PLPP1: variants seen among roughly 807,000 people sequenced by gnomAD.
PLPP1 encodes the protein lipid phosphate phosphohydrolase 1a.
In PLPP1, 24 loss-of-function variants were observed where a neutral mutation model predicts 31.2. The observed-to-expected ratio is 0.77, with a 90% CI of 0.56 to 1.08. PLPP1 has a LOEUF of 1.08. Ranked by LOEUF, PLPP1 falls within the 50% of genes least tolerant of loss-of-function variation. The pLI is 0.00. For missense variants in PLPP1, 319 were observed against 342.7 expected, an observed-to-expected ratio of 0.93 and a Z score of 0.55; for synonymous variants, 146 against 126.3, an observed-to-expected ratio of 1.16 and a Z score of -1.05.
rs943956536 is a variant in PLPP1 at position 55,534,687 on chromosome 5, A to T, written c.-58T>A. On this transcript the variant is annotated 5_prime_UTR_variant, in exon 1 of 6. Coordinates refer to ENST00000307259, the MANE Select transcript of PLPP1 (RefSeq NM_003711.4). Reference sequence around the variant, plus strand: ...GGACTGAGCTGCGGGACGGCGGCCGAGGCCCTTGATTCTCGAGCCCGGGCC... The same window carrying T: ...GGACTGAGCTGCGGGACGGCGGCCGTGGCCCTTGATTCTCGAGCCCGGGCC... 6.0e-6 allele frequency: 9 copies of T among 1,494,164 alleles called. No individual in the cohort carries two copies. The Admixed American group carries it at 1.9e-4, about 32-fold the overall frequency. The allele number at this position is 1,494,164 out of a possible 1,614,324, so 92.6% of individuals were successfully genotyped here. A position where few individuals can be genotyped will look rare whatever the true frequency, so the allele number is the denominator to read the frequency against.
chr5:55,492,950 T>C (rs1193500440), intron 1 of PLPP1, among the ~76,000 whole-genome samples: 1 of 152,050 alleles, frequency 6.6e-6, no homozygotes, highest in Non-Finnish European at 1.5e-5. Flanking sequence ...GGTTAGAATA[T>C]GATTGGGAGA....
At position 55,500,043 on chromosome 5, in the gene PLPP1, AC is replaced by A. The variant is rs1310758770; in HGVS notation, c.59-24594del. Among the ~76,000 whole-genome samples, 13 of 151,746 alleles carry A rather than the reference AC, an allele frequency of 8.6e-5. No homozygotes were observed. In the South Asian group the frequency reaches 1.0e-3, roughly 12 times the overall value. The stretch of plus-strand genomic sequence containing the variant: ...ATAAAACCAAGCAAAATAAGTAAAA[AC>A]ATCATATATGGTATAATTTGATTTC... On this transcript the variant is annotated intron_variant, in intron 1 of 5. Transcript: ENST00000307259.
At chr5:55,437,184 A>C (rs747653327) in intron 4 of PLPP1, among the ~76,000 whole-genome samples, 14 of 152,212 alleles carry the variant, frequency 9.2e-5, no homozygotes, top group Non-Finnish European at 1.9e-4. Context: ...TTTTTGGTTG[A>C]AATTTCTGAA....
intron 3 of PLPP1, among the ~76,000 whole-genome samples, chr5:55,456,462 T>G (rs758982371): frequency 6.6e-6 from 1 of 152,230 alleles, no homozygotes; most frequent in Non-Finnish European, 1.5e-5. Context: ...TTCTCCCCAA[T>G]GTCAAGCATC....
chr5:55,531,790 G>C (rs1024063866), intron 1 of PLPP1, among the ~76,000 whole-genome samples: 2 of 152,194 alleles, frequency 1.3e-5, no homozygotes, highest in Non-Finnish European at 2.9e-5. Context: ...GAAAAGTTTT[G>C]TATCTCCTGC....
chr5:55,474,176 T>C lies in PLPP1; in HGVS notation c.210+1123A>G, dbSNP rs369801031. ...CACACCCAGCTAATTTTTGTATTTT[T>C]AGTAGAGACGGGGTTTCACCAGGTT... On this transcript the variant is annotated intron_variant, in intron 2 of 5. Transcript: ENST00000307259. 1.3e-3 allele frequency among the ~76,000 whole-genome samples: 204 copies of C among 151,898 alleles called. 1 individual carries two copies. Among genetic ancestry groups the C allele is most frequent in the South Asian group, 0.012 (56 of 4,812 alleles).
chr5:55,491,229 G>T, intron 1 of PLPP1: 2 of 1,071,708 alleles, frequency 1.9e-6, no homozygotes, highest in Non-Finnish European at 2.7e-6. Flanking sequence ...CTCTGGAGAT[G>T]GATCTCCATT....
At chr5:55,529,117 A>G (rs1740569083) in intron 1 of PLPP1, among the ~76,000 whole-genome samples, 1 of 152,040 alleles carries the variant, frequency 6.6e-6, no homozygotes, top group African/African-American at 2.4e-5. Context: ...TGTGACTATC[A>G]CTTTTTAAAA....
At chr5:55,491,236 C>T in intron 1 of PLPP1, 1 of 989,624 alleles carries the variant, frequency 1.0e-6, no homozygotes, top group Non-Finnish European at 1.5e-6. Flanking sequence ...GATGGATCTC[C>T]ATTATACCCA....
intron 1 of PLPP1, among the ~76,000 whole-genome samples, chr5:55,512,507 AAAAGAAAAGAAAGAAAGAAAGAAAG>A (rs1382897763): frequency 0.014 from 197 of 13,634 alleles, 10 homozygotes; most frequent in African/African-American, 0.032. Flanking sequence ...AAAAGAAAAG[AAAAGAAAAGAAAGAAAGAAAGAAAG>A]AAAGAAAGAA....
chr5:55,443,421 G>A (rs1382069273), intron 3 of PLPP1, among the ~76,000 whole-genome samples: 3 of 151,882 alleles, frequency 2.0e-5, no homozygotes, highest in Admixed American at 2.0e-4. Flanking sequence ...TGACCACACA[G>A]AATGGATCAA....
rs575621057 is a variant in PLPP1, at chr5:55,457,207, A to G, written c.491+10662T>C. Among the ~76,000 whole-genome samples, 5 of 152,154 alleles carry G rather than the reference A, an allele frequency of 3.3e-5. No individual in the cohort carries two copies. In the East Asian group the frequency reaches 9.7e-4, roughly 29 times the overall value. ...TATAAATAATAATTACTTTCAACAT[A>G]TATAGCTCTTCAATTTCAGTTATCC... On this transcript the variant is annotated intron_variant, in intron 3 of 5. Transcript: ENST00000307259.
rs1381525038 is a variant in PLPP1 at position 55,534,766 on chromosome 5, G to T, written c.-137C>A. 4.4e-6 allele frequency: 4 copies of T among 919,428 alleles called. No individual in the cohort carries two copies. The Admixed American group carries it at 1.4e-4, about 32-fold the overall frequency. The allele number at this position is 919,428 out of a possible 1,614,324, so 57.0% of individuals were successfully genotyped here. A position where few individuals can be genotyped will look rare whatever the true frequency, so the allele number is the denominator to read the frequency against. Reference sequence around the variant, plus strand: ...CCCTCCCAGCCGGAGGAGGAGAGCAGCCGAGGGCGGGCTGAGACCGGGCGG... The same window carrying T: ...CCCTCCCAGCCGGAGGAGGAGAGCATCCGAGGGCGGGCTGAGACCGGGCGG... On this transcript the variant is annotated 5_prime_UTR_variant, in exon 1 of 6. The change creates a new upstream start codon in the 5' untranslated region. Transcript: ENST00000307259.
intron 1 of PLPP1, among the ~76,000 whole-genome samples, chr5:55,484,041 T>A (rs1471016332): frequency 6.6e-6 from 1 of 152,198 alleles, no homozygotes; most frequent in Non-Finnish European, 1.5e-5. Flanking sequence ...GTTAACCAGC[T>A]GTGAACCCTC....
intron 1 of PLPP1, among the ~76,000 whole-genome samples, chr5:55,525,306 T>C (rs149199552): frequency 4.2e-4 from 64 of 152,264 alleles, no homozygotes; most frequent in Non-Finnish European, 4.7e-4. Context: ...AAGATAACCA[T>C]AGGTACTTTC....
At chr5:55,448,128 C>T (rs759512819) in intron 3 of PLPP1, among the ~76,000 whole-genome samples, 14 of 152,186 alleles carry the variant, frequency 9.2e-5, no homozygotes, top group South Asian at 2.1e-4. Context: ...TAAACTTTTC[C>T]TAAGTATATT....
intron 1 of PLPP1, among the ~76,000 whole-genome samples, chr5:55,489,145 C>T (rs1346603862): frequency 1.3e-5 from 2 of 152,120 alleles, no homozygotes; most frequent in African/African-American, 4.8e-5. Flanking sequence ...TTGCAGTGAG[C>T]CAAGATTACA....
intron 1 of PLPP1, among the ~76,000 whole-genome samples, chr5:55,508,177 G>A (rs1753325243): frequency 6.6e-6 from 1 of 152,060 alleles, no homozygotes; most frequent in African/African-American, 2.4e-5. Context: ...TTGACAGAAG[G>A]CCATGCCCAG....
chr5:55,441,790 G>T, intron 4 of PLPP1, 61 bp downstream of exon 4: 1 of 1,523,916 alleles, frequency 6.6e-7, no homozygotes, highest in Non-Finnish European at 9.1e-7. Flanking sequence ...GGACACTGAT[G>T]CTGAGCACAT....
Sources: gnomAD v4.1 joint callset for allele counts (sites outside exome capture counted in the v4.1 genomes callset) on GRCh38, gnomAD v4.1.1 for gene constraint, MANE v1.5 for transcripts, NCBI Gene and HGNC (gene_info 2026-07-23, HGNC 2026-07-21) for gene names.